Variants in TLN2 observed in about 807,000 individuals in gnomAD.
The protein encoded by TLN2 is talin 2.
A neutral mutation model predicts 294.7 loss-of-function variants in TLN2; 118 were observed. The observed-to-expected ratio is 0.40, with a 90% CI of 0.34 to 0.47. The LOEUF is 0.47. TLN2 is among the 20% of genes least tolerant of loss of function. TLN2 has a pLI of 0.84. For synonymous variants in TLN2, 1,431 were observed against 1,304.5 expected, an observed-to-expected ratio of 1.10 and a Z score of -2.09; for missense variants, 3,083 against 3,282.2, an observed-to-expected ratio of 0.94 and a Z score of 1.48.
intron 9 of TLN2, among the ~76,000 whole-genome samples, chr15:62,667,106 C>T (rs150215335): frequency 0.015 from 2,219 of 152,302 alleles, 22 homozygotes; most frequent in Non-Finnish European, 0.022. Flanking sequence ...GCTGGGACTA[C>T]AGGCGCCCAC....
chr15:62,541,144 T>TG (rs1308966776), intron 1 of TLN2, among the ~76,000 whole-genome samples: 1 of 152,176 alleles, frequency 6.6e-6, no homozygotes, highest in Non-Finnish European at 1.5e-5. Context: ...CCCGAGTAGA[T>TG]GATTTTTATA....
intron 46 of TLN2, among the ~76,000 whole-genome samples, chr15:62,793,606 C>T (rs2065235806): frequency 6.6e-6 from 1 of 152,102 alleles, no homozygotes; most frequent in Admixed American, 6.5e-5. Flanking sequence ...AGGCAGTTTT[C>T]CCCAGTTAAC....
chr15:62,423,508 T>A lies in TLN2; in HGVS notation c.-238+32823T>A, dbSNP rs75811354. On this transcript the variant is annotated intron_variant, in intron 1 of 58. Coordinates refer to ENST00000636159, the MANE Select transcript of TLN2 (RefSeq NM_015059.3). ...CTTGCAAATGTGCGTGAACATATGGTCACCCGAAACCACACATCTTTTTCA... is the reference window on the plus strand; with the variant it reads ...CTTGCAAATGTGCGTGAACATATGGACACCCGAAACCACACATCTTTTTCA... 2.6e-3 allele frequency among the ~76,000 whole-genome samples: 389 copies of A among 152,254 alleles called. 6 individuals carry two copies. The highest frequency in any genetic ancestry group is 0.014 in the East Asian group (72 of 5,176).
chr15:62,657,210 G>T (rs766412991), intron 8 of TLN2, among the ~76,000 whole-genome samples: 2 of 151,860 alleles, frequency 1.3e-5, no homozygotes, highest in East Asian at 1.9e-4. Context: ...GAGGAGTTCA[G>T]ACACAACAAG....
At chr15:62,644,277 T>G (rs1282643287) in intron 3 of TLN2, among the ~76,000 whole-genome samples, 1 of 151,994 alleles carries the variant, frequency 6.6e-6, no homozygotes, top group Non-Finnish European at 1.5e-5. Context: ...CCCTTCTGTT[T>G]GATGTGCTTT....
At position 62,701,094 on chromosome 15, in the gene TLN2, C is replaced by A; in HGVS notation, c.1588-12C>A. 2 of 1,611,608 alleles carry A rather than the reference C, an allele frequency of 1.2e-6. No individual in the cohort carries two copies. The highest frequency in any genetic ancestry group is 1.7e-6 in the Non-Finnish European group (2 of 1,178,676). On this transcript the variant is annotated splice_polypyrimidine_tract_variant and intron_variant, in intron 16 of 58. Coordinates refer to ENST00000636159, the MANE Select transcript of TLN2 (RefSeq NM_015059.3). ...TGCTGTGATTGTGTTGTGCCGTTGT[C>A]TGGCTTTGCAGGCATCTAGGGTATG...
intron 43 of TLN2, among the ~76,000 whole-genome samples, chr15:62,779,201 C>G (rs1230307149): frequency 6.6e-6 from 1 of 152,154 alleles, no homozygotes; most frequent in Non-Finnish European, 1.5e-5. Flanking sequence ...GGTTTGGAGA[C>G]TCACAAGTGA....
intron 1 of TLN2, among the ~76,000 whole-genome samples, chr15:62,465,104 GTTTTTTT>G (rs57890839): frequency 1.3e-4 from 11 of 85,514 alleles, no homozygotes; most frequent in African/African-American, 4.9e-4. Flanking sequence ...TGGTGAGCGC[GTTTTTTT>G]TTTTTTTTTT....
chr15:62,740,840 C>A, intron 32 of TLN2, 71 bp downstream of exon 32: 1 of 1,589,472 alleles, frequency 6.3e-7, no homozygotes. Flanking sequence ...ATGTGCCTGA[C>A]ATCCTCCCAC....
intron 19 of TLN2, among the ~76,000 whole-genome samples, chr15:62,705,600 C>G (rs768762019): frequency 3.3e-4 from 50 of 152,202 alleles, no homozygotes; most frequent in Non-Finnish European, 6.3e-4. Context: ...CCTGGCCCCC[C>G]ATCTGAAAAG....
chr15:62,658,120 T>C, intron 9 of TLN2: 2 of 284,022 alleles, frequency 7.0e-6, no homozygotes. Flanking sequence ...GTGATCTGTG[T>C]CCCCCTCCAC....
chr15:62,604,297 C>G (rs2047232626), intron 2 of TLN2, among the ~76,000 whole-genome samples: 1 of 152,032 alleles, frequency 6.6e-6, no homozygotes, highest in Non-Finnish European at 1.5e-5. Flanking sequence ...GGGAGGATTA[C>G]TTGAGCCTAG....
rs1251248094 is a variant in TLN2, at chr15:62,752,420, C to T, written c.4325C>T (p.Ala1442Val). Residue 1442 changes from alanine to valine, a missense_variant, in exon 35 of 59, where the codon GCA becomes GTA. Transcript: ENST00000636159. ...SKALCGLTEAAAQAAYLVGIS... is the reference protein window; with the variant it reads ...SKALCGLTEAVAQAAYLVGIS... ...GCTCTCTGTGGGCTGACAGAGGCTG[C>T]AGCCCAGGTAAGGGGCTAGTCCCGA... The T allele has an allele frequency of 1.2e-6, 2 of 1,613,936 alleles. No homozygotes were observed. Among genetic ancestry groups the T allele is most frequent in the African/African-American group, 1.3e-5 (1 of 74,918 alleles).
chr15:62,505,092 G>T (rs2039535943), intron 1 of TLN2, among the ~76,000 whole-genome samples: 1 of 151,980 alleles, frequency 6.6e-6, no homozygotes, highest in South Asian at 2.1e-4. Context: ...GAGTAGCTGG[G>T]ATTACAGGCG....
chr15:62,635,507 C>T (rs1313917921), intron 3 of TLN2, among the ~76,000 whole-genome samples: 2 of 152,090 alleles, frequency 1.3e-5, no homozygotes, highest in Admixed American at 6.6e-5. Context: ...TTATATAGAG[C>T]ATATCATCTC....
At chr15:62,396,847 G>A (rs1010405155) in intron 1 of TLN2, among the ~76,000 whole-genome samples, 1 of 152,098 alleles carries the variant, frequency 6.6e-6, no homozygotes, top group Non-Finnish European at 1.5e-5. Context: ...TGGGATTAAG[G>A]GCATGCGCCA....
Position 62,776,854 on chromosome 15 carries a change from A to T in TLN2, c.5458A>T (p.Ser1820Cys). The T allele has an allele frequency of 6.2e-7, 1 of 1,601,468 alleles. No individual in the cohort carries two copies. The highest frequency in any genetic ancestry group is 1.7e-5 in the Admixed American group (1 of 58,356). Residue 1820 changes from serine (S) to cysteine (C), a missense_variant, in exon 43 of 59, where the codon AGT becomes TGT. Coordinates refer to ENST00000636159, the MANE Select transcript of TLN2 (RefSeq NM_015059.3). ...DIMVTLNEAA[S>C]EVGLVGGMVD... ...CATGGTGACGCTGAACGAAGCTGCC[A>T]GTGAAGTGGGGCTGGTTGGGGGCAT...
intron 48 of TLN2, 105 bp from the exon 49 acceptor site, chr15:62,800,263 T>G (rs995190727): frequency 4.0e-6 from 6 of 1,509,108 alleles, no homozygotes; most frequent in Non-Finnish European, 5.3e-6. Context: ...AGACTGTCTT[T>G]CTCTCCTCCC....
At chr15:62,805,307 T>C (rs1169549454) in intron 50 of TLN2, among the ~76,000 whole-genome samples, 1 of 152,142 alleles carries the variant, frequency 6.6e-6, no homozygotes, top group African/African-American at 2.4e-5. Flanking sequence ...GGATGGGTAG[T>C]GTGTAAATAT....
Sources: allele counts gnomAD v4.1 joint callset (sites outside exome capture counted in the v4.1 genomes callset), GRCh38; gene constraint gnomAD v4.1.1; transcripts MANE v1.5; gene names NCBI Gene and HGNC (gene_info 2026-07-23, HGNC 2026-07-21).